Variants in OCA2 observed in about 807,000 individuals in gnomAD.
OCA2 encodes P protein.
OCA2 carries 77 observed loss-of-function variants against 100.2 expected under a neutral mutation model. The ratio of observed to expected loss-of-function variants is 0.77; its 90% CI spans 0.64 to 0.93. The LOEUF (loss-of-function observed/expected upper bound fraction) is 0.93, where lower values mean the gene tolerates loss of function less well. Ranked by LOEUF, OCA2 falls within the 40% of genes least tolerant of loss-of-function variation. OCA2 has a pLI of 0.00. For synonymous variants in OCA2, 432 were observed against 439.2 expected (o/e 0.98, Z 0.21); for missense variants, 1,062 against 1,089.1 (o/e 0.98, Z 0.35).
chr15:28,002,515 T>A (rs368295966), intron 9 of OCA2, among the ~76,000 whole-genome samples: 1 of 152,130 alleles, frequency 6.6e-6, no homozygotes, highest in Non-Finnish European at 1.5e-5. Flanking sequence ...GGCTCCTGCA[T>A]TGGGGGCAGG....
At chr15:27,842,690 C>T (rs1329345654) in intron 23 of OCA2, among the ~76,000 whole-genome samples, 1 of 152,166 alleles carries the variant, frequency 6.6e-6, no homozygotes, top group Non-Finnish European at 1.5e-5. Flanking sequence ...ACACACTCTC[C>T]ATCCAAGAAG....
chr15:27,851,510 T>C lies in OCA2; in HGVS notation c.2245-35A>G, dbSNP rs751572202. 7 of 1,554,618 alleles carry C rather than the reference T, an allele frequency of 4.5e-6. No individual in the cohort carries two copies. In the African/African-American group the frequency reaches 5.4e-5, roughly 12 times the overall value. On this transcript the variant is annotated intron_variant, in intron 21 of 23. Coordinates refer to ENST00000354638, the MANE Select transcript of OCA2 (RefSeq NM_000275.3). ...AAGAGGACATTGATGCCACGTCCCA[T>C]GGACGCTCAGAGAAGCTGCCATACT... is the stretch of plus-strand genomic sequence containing the variant.
intron 1 of OCA2, among the ~76,000 whole-genome samples, chr15:28,090,422 T>C (rs754038340): frequency 2.6e-5 from 4 of 152,104 alleles, no homozygotes; most frequent in Non-Finnish European, 5.9e-5. Context: ...CTACAGAACA[T>C]ACACCAAGAT....
chr15:28,015,277 A>G (rs1215579476), intron 8 of OCA2, among the ~76,000 whole-genome samples: 2 of 152,178 alleles, frequency 1.3e-5, no homozygotes, highest in South Asian at 2.1e-4. Context: ...AAAGCCAGCT[A>G]TTTGAACTCC....
chr15:28,054,108 A>C (rs2043606361), intron 2 of OCA2, among the ~76,000 whole-genome samples: 1 of 152,234 alleles, frequency 6.6e-6, no homozygotes, highest in African/African-American at 2.4e-5. Flanking sequence ...GTGCATGTAT[A>C]TAGGTGCATG....
At chr15:27,890,836 G>A (rs929242431) in intron 19 of OCA2, among the ~76,000 whole-genome samples, 1 of 152,028 alleles carries the variant, frequency 6.6e-6, no homozygotes, top group African/African-American at 2.4e-5. Context: ...GACCATCCTG[G>A]CCAACATGGT....
chr15:27,844,199 C>T (rs571792101), intron 23 of OCA2, among the ~76,000 whole-genome samples: 9 of 152,224 alleles, frequency 5.9e-5, no homozygotes, highest in South Asian at 2.1e-4. Context: ...ATCCGCTGGA[C>T]GCCCCCACCG....
At chr15:27,963,071 T>A (rs574393326) in intron 15 of OCA2, among the ~76,000 whole-genome samples, 1 of 152,304 alleles carries the variant, frequency 6.6e-6, no homozygotes, top group African/African-American at 2.4e-5. Context: ...TGTTAAATCA[T>A]CAAGATGAAA....
chr15:27,976,027 A>G (rs2040953466), intron 14 of OCA2, among the ~76,000 whole-genome samples: 1 of 142,828 alleles, frequency 7.0e-6, no homozygotes, highest in South Asian at 2.3e-4. Flanking sequence ...AATACAGCAT[A>G]TGTTTTGTGC....
intron 9 of OCA2, among the ~76,000 whole-genome samples, chr15:28,008,148 G>A (rs186896628): frequency 2.8e-4 from 42 of 152,304 alleles, no homozygotes; most frequent in Admixed American, 3.9e-4. Context: ...GAGATGGAGC[G>A]CCCACGACAA....
intron 23 of OCA2, among the ~76,000 whole-genome samples, chr15:27,843,132 T>C (rs1595501010): frequency 6.6e-6 from 1 of 152,310 alleles, no homozygotes; most frequent in Non-Finnish European, 1.5e-5. Context: ...CTTTTTGCTC[T>C]CTGAAATCCA....
At chr15:28,017,896 C>A (rs2042449512) in intron 7 of OCA2, among the ~76,000 whole-genome samples, 1 of 152,128 alleles carries the variant, frequency 6.6e-6, no homozygotes, top group South Asian at 2.1e-4. Flanking sequence ...ATGACAGCCA[C>A]CGCTTCCTGG....
At chr15:27,970,551 G>A (rs1049688058) in intron 14 of OCA2, among the ~76,000 whole-genome samples, 1 of 151,972 alleles carries the variant, frequency 6.6e-6, no homozygotes, top group Admixed American at 6.6e-5. Flanking sequence ...GAATGTCCCA[G>A]CACGCACAGC....
chr15:27,834,637 G>A (rs1191972538), intron 23 of OCA2, among the ~76,000 whole-genome samples: 1 of 152,184 alleles, frequency 6.6e-6, no homozygotes, highest in Non-Finnish European at 1.5e-5. Context: ...AATAGCTCCG[G>A]GTAATTGGTA....
intron 2 of OCA2, among the ~76,000 whole-genome samples, chr15:28,067,020 T>C (rs2044044481): frequency 6.6e-6 from 1 of 152,254 alleles, no homozygotes; most frequent in South Asian, 2.1e-4. Flanking sequence ...TATTGATTGA[T>C]GTCTGCCTGT....
intron 18 of OCA2, among the ~76,000 whole-genome samples, chr15:27,936,762 C>G (rs2039467980): frequency 6.6e-6 from 1 of 152,050 alleles, no homozygotes; most frequent in Non-Finnish European, 1.5e-5. Flanking sequence ...CTGTGACTGC[C>G]CAAGATACCC....
At chr15:27,947,657 C>T (rs1028871943) in intron 18 of OCA2, among the ~76,000 whole-genome samples, 1 of 152,218 alleles carries the variant, frequency 6.6e-6, no homozygotes, top group African/African-American at 2.4e-5. Context: ...TGGCATCCCA[C>T]GGGAAGGAGC....
At chr15:28,051,485 T>C (rs1024101929) in intron 2 of OCA2, among the ~76,000 whole-genome samples, 2 of 151,832 alleles carry the variant, frequency 1.3e-5, no homozygotes, top group South Asian at 4.1e-4. Flanking sequence ...AGAGATGGGG[T>C]TTCTCCATGT....
chr15:27,996,851 A>G (rs2041743800), intron 9 of OCA2, among the ~76,000 whole-genome samples: 1 of 152,120 alleles, frequency 6.6e-6, no homozygotes, highest in African/African-American at 2.4e-5. Flanking sequence ...GGTAAATTCT[A>G]CCAAACATTT....
Sources: allele counts gnomAD v4.1 joint callset (sites outside exome capture counted in the v4.1 genomes callset), GRCh38; gene constraint gnomAD v4.1.1; transcripts MANE v1.5; gene names NCBI Gene and HGNC (gene_info 2026-07-23, HGNC 2026-07-21).